TMEM108: variants seen among roughly 807,000 people sequenced by gnomAD.
The protein encoded by TMEM108 is transmembrane protein 108, also known as cancer/testis antigen 124.
In TMEM108, 12 loss-of-function variants were observed where a neutral mutation model predicts 35.1. The observed-to-expected ratio is 0.34, with a 90% CI of 0.22 to 0.55. The LOEUF (loss-of-function observed/expected upper bound fraction) is 0.55. Ranked by LOEUF, TMEM108 falls within the 20% of genes least tolerant of loss-of-function variation. The pLI, the probability that TMEM108 is intolerant of heterozygous loss-of-function variation, is 0.89. For missense variants in TMEM108, 680 were observed against 753.3 expected, an observed-to-expected ratio of 0.90 and a Z score of 1.14; for synonymous variants, 287 against 308.6, an observed-to-expected ratio of 0.93 and a Z score of 0.73.
At chr3:133,096,891 C>G (rs956084126) in intron 2 of TMEM108, among the ~76,000 whole-genome samples, 1 of 152,106 alleles carries the variant, frequency 6.6e-6, no homozygotes, top group Non-Finnish European at 1.5e-5. Context: ...GGAACCAGGG[C>G]AACAGTTAAC....
chr3:133,131,216 C>T (rs911549967), intron 2 of TMEM108, among the ~76,000 whole-genome samples: 16 of 152,138 alleles, frequency 1.1e-4, no homozygotes, highest in Admixed American at 2.6e-4. Context: ...CAGCATTTTA[C>T]AGCAGCTGCT....
chr3:133,387,281 G>A, intron 4 of TMEM108: 1 of 985,458 alleles, frequency 1.0e-6, no homozygotes, highest in Non-Finnish European at 1.2e-6. Flanking sequence ...CATCTTAAGT[G>A]ACTTTCCAGG....
chr3:133,200,168 G>A (rs4254659), intron 2 of TMEM108, among the ~76,000 whole-genome samples: 48,140 of 151,930 alleles, frequency 0.32, 8,099 homozygotes, highest in East Asian at 0.46. Context: ...CGTCTGTCAC[G>A]GCTTCCCTTG....
At chr3:133,116,613 A>G (rs1944290757) in intron 2 of TMEM108, among the ~76,000 whole-genome samples, 1 of 152,200 alleles carries the variant, frequency 6.6e-6, no homozygotes, top group Non-Finnish European at 1.5e-5. Context: ...CTCTCCCCTC[A>G]AGGCAAATAT....
intron 3 of TMEM108, among the ~76,000 whole-genome samples, chr3:133,291,246 T>A (rs938268338): frequency 6.8e-6 from 1 of 147,326 alleles, no homozygotes; most frequent in Non-Finnish European, 1.5e-5. Context: ...AAGTTTAAAT[T>A]ACCACCGTGG....
At chr3:133,144,258 T>C (rs11716089) in intron 2 of TMEM108, among the ~76,000 whole-genome samples, 15,838 of 152,112 alleles carry the variant, frequency 0.1, 1,006 homozygotes, top group South Asian at 0.17. Context: ...TTGCTGAGAA[T>C]GATGGTTTCT....
intron 2 of TMEM108, among the ~76,000 whole-genome samples, chr3:133,223,153 T>C (rs1946017476): frequency 1.3e-5 from 2 of 152,258 alleles, no homozygotes; most frequent in South Asian, 4.1e-4. Flanking sequence ...TGATTGTTCC[T>C]CATCCTTGTT....
chr3:133,130,944 A>C (rs1294102771), intron 2 of TMEM108, among the ~76,000 whole-genome samples: 1 of 152,226 alleles, frequency 6.6e-6, no homozygotes, highest in Non-Finnish European at 1.5e-5. Context: ...ATCTACTGTT[A>C]AAAAGAAATT....
At chr3:133,278,522 T>G (rs1192596959) in intron 3 of TMEM108, among the ~76,000 whole-genome samples, 1 of 152,248 alleles carries the variant, frequency 6.6e-6, no homozygotes, top group East Asian at 1.9e-4. Context: ...TGGTACAGTA[T>G]ACTACACACC....
At chr3:133,212,079 C>G (rs1184432079) in intron 2 of TMEM108, among the ~76,000 whole-genome samples, 2 of 152,148 alleles carry the variant, frequency 1.3e-5, no homozygotes, top group African/African-American at 4.8e-5. Flanking sequence ...GAGGGATCTG[C>G]TCTGCCTCCT....
At chr3:133,228,227 T>G (rs1023829035) in intron 2 of TMEM108, among the ~76,000 whole-genome samples, 10 of 151,930 alleles carry the variant, frequency 6.6e-5, no homozygotes, top group Non-Finnish European at 8.8e-5. Flanking sequence ...ATAGTTCTAC[T>G]TGGGATGTCA....
intron 3 of TMEM108, among the ~76,000 whole-genome samples, chr3:133,369,158 G>A (rs761552760): frequency 4.6e-5 from 7 of 152,272 alleles, no homozygotes; most frequent in Admixed American, 1.3e-4. Flanking sequence ...GCCCTCTACC[G>A]AAGGTCTCTG....
At chr3:133,303,629 G>T (rs1947261966) in intron 3 of TMEM108, among the ~76,000 whole-genome samples, 1 of 152,026 alleles carries the variant, frequency 6.6e-6, no homozygotes, top group African/African-American at 2.4e-5. Context: ...GAACATGAAA[G>T]CATGCCCTAG....
intron 2 of TMEM108, among the ~76,000 whole-genome samples, chr3:133,207,577 G>A (rs1945776529): frequency 2.0e-5 from 3 of 151,886 alleles, no homozygotes; most frequent in Admixed American, 1.3e-4. Flanking sequence ...AGTTGTTCCA[G>A]GATTTAATTA....
chr3:133,274,437 T>A (rs1946812373), intron 3 of TMEM108, among the ~76,000 whole-genome samples: 2 of 152,108 alleles, frequency 1.3e-5, no homozygotes, highest in South Asian at 4.2e-4. Flanking sequence ...TGCCTGGAGG[T>A]CTTCCCAAGC....
At chr3:133,249,637 G>C (rs1946438626) in intron 3 of TMEM108, among the ~76,000 whole-genome samples, 1 of 152,148 alleles carries the variant, frequency 6.6e-6, no homozygotes, top group Admixed American at 6.5e-5. Flanking sequence ...AGAGGACATG[G>C]TTTTATTCTT....
chr3:133,085,026 A>G (rs1377702781), intron 2 of TMEM108, among the ~76,000 whole-genome samples: 2 of 152,196 alleles, frequency 1.3e-5, no homozygotes, highest in African/African-American at 4.8e-5. Context: ...GCGAGGCCTC[A>G]TGATGTCAGT....
At chr3:133,345,338 T>C (rs1467696034) in intron 3 of TMEM108, among the ~76,000 whole-genome samples, 2 of 151,828 alleles carry the variant, frequency 1.3e-5, no homozygotes, top group East Asian at 3.8e-4. Flanking sequence ...GTCAAAATAT[T>C]ACAGAAAAAT....
At chr3:133,336,430 T>A (rs1160841538) in intron 3 of TMEM108, among the ~76,000 whole-genome samples, 1 of 152,044 alleles carries the variant, frequency 6.6e-6, no homozygotes, top group South Asian at 2.1e-4. Context: ...AGTCAGAGTA[T>A]GAGGCCCTCT....
Sources: allele counts gnomAD v4.1 joint callset (sites outside exome capture counted in the v4.1 genomes callset), GRCh38; gene constraint gnomAD v4.1.1; transcripts MANE v1.5; gene names NCBI Gene and HGNC (gene_info 2026-07-23, HGNC 2026-07-21).